The following APOBEC3A variants were observed in gnomAD, a reference collection of about 807,000 sequenced individuals.
APOBEC3A encodes the protein DNA dC->dU-editing enzyme APOBEC-3A.
A neutral mutation model predicts 23.0 loss-of-function variants in APOBEC3A; 13 were observed. The ratio of observed to expected loss-of-function variants is 0.57; its 90% CI spans 0.37 to 0.90. APOBEC3A has a LOEUF of 0.90. Ranked by LOEUF, APOBEC3A falls within the 40% of genes least tolerant of loss-of-function variation. The pLI, the probability that APOBEC3A is intolerant of heterozygous loss-of-function variation, is 0.01. For missense variants in APOBEC3A, 179 were observed against 264.9 expected (o/e 0.68, Z 2.25); for synonymous variants, 74 against 101.3 (o/e 0.73, Z 1.62).
chr22:38,958,441 TTCCCTTTCTC>T (rs1922679548), intron 1 of APOBEC3A, among the ~76,000 whole-genome samples: 1 of 150,160 alleles, frequency 6.7e-6, no homozygotes, highest in African/African-American at 2.5e-5. Flanking sequence ...CTTCCAATAT[TTCCCTTTCTC>T]TCTTCCTCCC....
intron 3 of APOBEC3A, among the ~76,000 whole-genome samples, chr22:38,961,895 C>A (rs1436659609): frequency 9.9e-5 from 15 of 151,980 alleles, no homozygotes; most frequent in Admixed American, 3.3e-4. Flanking sequence ...GAACTTGGGG[C>A]TTTCTGAAAG....
chr22:38,962,315 C>G, intron 4 of APOBEC3A, 102 bp downstream of exon 4: 1 of 1,595,350 alleles, frequency 6.3e-7, no homozygotes, highest in Non-Finnish European at 8.5e-7. Context: ...CTCTGGGTTC[C>G]CTGCTCCCCA....
chr22:38,962,417 A>G lies in APOBEC3A; in HGVS notation c.586-78A>G, dbSNP rs923728564. Reference sequence around the variant, plus strand: ...CCCTCCCTCCTCTCCCGTCATTGTCACTGTCCCCAGGCCACCTCCCTGTGC... The same window carrying G: ...CCCTCCCTCCTCTCCCGTCATTGTCGCTGTCCCCAGGCCACCTCCCTGTGC... On this transcript the variant is annotated intron_variant, in intron 4 of 4. Coordinates refer to ENST00000249116, the MANE Select transcript of APOBEC3A (RefSeq NM_145699.4). 7.3e-5 allele frequency: 114 copies of G among 1,566,962 alleles called. 1 individual carries two copies. The highest frequency in any genetic ancestry group is 9.5e-5 in the Non-Finnish European group (110 of 1,155,960).
intron 2 of APOBEC3A, 55 bp from the exon 3 acceptor site, chr22:38,961,331 CA>C (rs1171875476): frequency 1.1e-6 from 1 of 930,382 alleles, no homozygotes; most frequent in African/African-American, 2.6e-5. Flanking sequence ...CCACCTGGTC[CA>C]GGCGCTCCCT....
At position 38,962,695 on chromosome 22, in the gene APOBEC3A, C is replaced by T. The variant is rs1226881690; in HGVS notation, c.*186C>T. 24 of 1,432,836 alleles carry T rather than the reference C, an allele frequency of 1.7e-5. No individual in the cohort carries two copies. The highest frequency in any genetic ancestry group is 1.2e-4 in the East Asian group (4 of 34,418). The allele number at this position is 1,432,836 out of a possible 1,614,324, so 88.8% of individuals were successfully genotyped here. A position where few individuals can be genotyped will look rare whatever the true frequency, so the allele number is the denominator to read the frequency against. ...TCAGAGTGGGCCGGGCGCGGTGGCT[C>T]ACGCCTGTAATCCCAGCACTTTGGA... is the stretch of plus-strand genomic sequence containing the variant. On this transcript the variant is annotated 3_prime_UTR_variant, in exon 5 of 5. Coordinates refer to ENST00000249116, the MANE Select transcript of APOBEC3A (RefSeq NM_145699.4).
chr22:38,961,531 G>A lies in APOBEC3A; in HGVS notation c.319G>A (p.Ala107Thr), dbSNP rs751665529. ...SWSPCFSWGC[A>T]GEVRAFLQEN... ...GAGCCCCTGCTTCTCCTGGGGCTGT[G>A]CCGGGGAAGTGCGTGCGTTCCTTCA... Residue 107 changes from alanine (A) to threonine (T), a missense_variant, in exon 3 of 5, where the codon GCC becomes ACC. Ala to Thr is a moderately conservative substitution (Grantham distance 58, BLOSUM62 0). Transcript: ENST00000249116. 2.6e-6 allele frequency: 4 copies of A among 1,529,272 alleles called. No homozygotes were observed. In the East Asian group the frequency reaches 9.1e-5, roughly 35 times the overall value. 94.7% of individuals were successfully genotyped at this position (1,529,272 alleles called of 1,614,324 possible). A position where few individuals can be genotyped will look rare whatever the true frequency, so the allele number is the denominator to read the frequency against.
intron 2 of APOBEC3A, among the ~76,000 whole-genome samples, chr22:38,960,985 C>T (rs1922854179): frequency 6.6e-6 from 1 of 151,010 alleles, no homozygotes; most frequent in Non-Finnish European, 1.5e-5. Flanking sequence ...GATGGGGGCT[C>T]CAAATGCTCA....
chr22:38,958,769 C>CTT (rs59598207), intron 1 of APOBEC3A, among the ~76,000 whole-genome samples: 3 of 109,408 alleles, frequency 2.7e-5, no homozygotes, highest in African/African-American at 4.4e-5. Flanking sequence ...ATCTCTCTTT[C>CTT]TCTTTCTTTC....
Position 38,957,616 on chromosome 22 carries a change from A to C in APOBEC3A, c.-76A>C. On this transcript the variant is annotated 5_prime_UTR_variant, in exon 1 of 5. Coordinates refer to ENST00000249116, the MANE Select transcript of APOBEC3A (RefSeq NM_145699.4). ...CCTGAATCCTAAGAGAATGTTGGTG[A>C]AGATCTTAACACCACGCCTTGAGCA... The C allele has an allele frequency of 1.3e-6, 2 of 1,564,666 alleles. No individual in the cohort carries two copies. The highest frequency in any genetic ancestry group is 1.7e-6 in the Non-Finnish European group (2 of 1,147,558).
chr22:38,959,936 C>G (rs1922801930), intron 2 of APOBEC3A, among the ~76,000 whole-genome samples: 1 of 152,182 alleles, frequency 6.6e-6, no homozygotes, highest in East Asian at 1.9e-4. Context: ...CTCACAGACA[C>G]AGCTCTCACC....
At chr22:38,959,518 G>T (rs1262327082) in intron 1 of APOBEC3A, 24 bp from the exon 2 acceptor site, 1 of 1,610,416 alleles carries the variant, frequency 6.2e-7, no homozygotes, top group South Asian at 1.1e-5. Flanking sequence ...TTCCTCCTCT[G>T]GTCTTTTCCC....
chr22:38,961,970 T>C (rs1446475909), intron 3 of APOBEC3A, 128 bp from the exon 4 acceptor site: 1 of 1,307,888 alleles, frequency 7.6e-7, no homozygotes, highest in African/African-American at 1.5e-5. Flanking sequence ...GCTAAGTCCC[T>C]AGGGGAGGGA....
intron 1 of APOBEC3A, among the ~76,000 whole-genome samples, 174 bp from the exon 2 acceptor site, chr22:38,959,368 C>T (rs1218517479): frequency 3.9e-5 from 6 of 152,142 alleles, no homozygotes; most frequent in Admixed American, 1.3e-4. Flanking sequence ...CTGCAGTGAT[C>T]TCCCAGTGAG....
chr22:38,960,044 C>T lies in APOBEC3A; in HGVS notation c.174+358C>T, dbSNP rs545331172. Among the ~76,000 whole-genome samples the T allele has an allele frequency of 5.3e-5, 8 of 152,314 alleles. No individual in the cohort carries two copies. The South Asian group carries it at 6.2e-4, about 12-fold the overall frequency. On this transcript the variant is annotated intron_variant, in intron 2 of 4. Transcript: ENST00000249116. ...GCCCTCTCCTGGGCTTCATCCTGCA[C>T]GGAGAGAGACTGAGGCAGGAGAGGC...
chr22:38,962,350 C>T (rs1218223176), intron 4 of APOBEC3A, 137 bp downstream of exon 4: 2 of 1,557,580 alleles, frequency 1.3e-6, no homozygotes, highest in African/African-American at 1.4e-5. Flanking sequence ...CCGTCCCTCC[C>T]TTTCCTTCTC....
At chr22:38,962,302 C>T (rs1922939125) in intron 4 of APOBEC3A, 89 bp downstream of exon 4, 2 of 1,603,102 alleles carry the variant, frequency 1.2e-6, no homozygotes, top group South Asian at 2.2e-5. Flanking sequence ...TGCTCAGAGC[C>T]TCCTCTGGGT....
intron 1 of APOBEC3A, among the ~76,000 whole-genome samples, chr22:38,958,598 CCT>C (rs754150083): frequency 2.0e-4 from 29 of 145,182 alleles, no homozygotes; most frequent in South Asian, 4.4e-4. Context: ...TTCCTTCCTT[CCT>C]CTCTTTCTCC....
At chr22:38,962,374 CTT>C (rs1922943283) in intron 4 of APOBEC3A, 119 bp from the exon 5 acceptor site, 1 of 1,553,794 alleles carries the variant, frequency 6.4e-7, no homozygotes, top group African/African-American at 1.4e-5. Flanking sequence ...GCCTCCTTCT[CTT>C]TCCCACCTCC....
rs769753463 is a variant in APOBEC3A at position 38,959,558 on chromosome 22, C to T, written c.46C>T (p.His16Tyr). ...TGTCCACAGACACTTGATGGATCCACACATATTCACTTCCAACTTTAACAA... is the reference window on the plus strand; with the variant it reads ...TGTCCACAGACACTTGATGGATCCATACATATTCACTTCCAACTTTAACAA... ...ASGPRHLMDPHIFTSNFNNGI... is the reference protein window; with the variant it reads ...ASGPRHLMDPYIFTSNFNNGI... Residue 16 changes from histidine (H) to tyrosine (Y), a missense_variant, in exon 2 of 5, where the codon CAC (histidine) becomes TAC (tyrosine). By Grantham distance (83) the His-to-Tyr change is moderately conservative. Coordinates refer to ENST00000249116, the MANE Select transcript of APOBEC3A (RefSeq NM_145699.4). 10 of 1,613,912 alleles carry T rather than the reference C, an allele frequency of 6.2e-6. No individual in the cohort carries two copies. Among genetic ancestry groups the T allele is most frequent in the South Asian group, 4.4e-5 (4 of 91,084 alleles).
Sources: gnomAD v4.1 joint callset for allele counts (sites outside exome capture counted in the v4.1 genomes callset) on GRCh38, gnomAD v4.1.1 for gene constraint, MANE v1.5 for transcripts, NCBI Gene and HGNC (gene_info 2026-07-23, HGNC 2026-07-21) for gene names.